The following MYO15A variants were observed in gnomAD, a reference collection of about 807,000 sequenced individuals.
MYO15A encodes unconventional myosin-XV.
A neutral mutation model predicts 394.6 loss-of-function variants in MYO15A; 308 were observed. That is an observed-to-expected ratio of 0.78 (90% CI 0.71 to 0.86). The LOEUF is 0.86. MYO15A is among the 40% of genes least tolerant of loss of function. The probability of loss-of-function intolerance (pLI) is 0.00; values close to 1 mark genes in which losing one functional copy is unlikely to be tolerated. For missense variants in MYO15A, 4,606 were observed against 4,799.1 expected, an observed-to-expected ratio of 0.96 and a Z score of 1.19; for synonymous variants, 1,957 against 2,003.8, an observed-to-expected ratio of 0.98 and a Z score of 0.62.
At chr17:18,114,744 G>A (rs2045764066) in intron 1 of MYO15A, among the ~76,000 whole-genome samples, 1 of 152,232 alleles carries the variant, frequency 6.6e-6, no homozygotes, top group East Asian at 1.9e-4. Context: ...CCGCCCTCCT[G>A]TGCAGCCCCC....
Position 18,159,289 on chromosome 17 carries a change from A to AT in MYO15A, c.9172dup (p.Ser3058PhefsTer35). 1 of 1,614,042 alleles carries AT rather than the reference A, an allele frequency of 6.2e-7. No individual in the cohort carries two copies. Among genetic ancestry groups the AT allele is most frequent in the South Asian group, 1.1e-5 (1 of 91,078 alleles). On this transcript the variant is annotated frameshift_variant, in exon 54 of 66. Coordinates refer to ENST00000647165, the MANE Select transcript of MYO15A (RefSeq NM_016239.4). LOFTEE classifies it high-confidence loss of function. ...TTCCCCCACAGACTCCCCTCCAGGA[A>AT]TCCCTCATCGAACTCAGCGACAGCA...
At chr17:18,171,616 T>C in intron 62 of MYO15A, 22 bp from the exon 63 acceptor site, 1 of 1,613,812 alleles carries the variant, frequency 6.2e-7, no homozygotes, top group Non-Finnish European at 8.5e-7. Context: ...TCAGGACCTT[T>C]TTCCCCTTCC....
chr17:18,163,248 G>A lies in MYO15A; in HGVS notation c.9617G>A (p.Gly3206Asp). The change falls in exon 59 of 66, where the codon GGC becomes GAC. Residue 3206 changes from glycine (G) to aspartate (D), a missense_variant. Transcript: ENST00000647165. ...TCTCCCACCTATCTACCCCAGGCAG[G>A]CCGCAGTTCCAAGAGGCAACTCTTT... ...SSIELRAMLA[G>D]RSSKRQLFLL... The A allele has an allele frequency of 6.2e-7, 1 of 1,614,166 alleles. No individual in the cohort carries two copies. The highest frequency in any genetic ancestry group is 1.1e-5 in the South Asian group (1 of 91,086).
chr17:18,167,548 G>C, intron 61 of MYO15A, 42 bp from the exon 62 acceptor site: 2 of 1,599,450 alleles, frequency 1.3e-6, no homozygotes, highest in Non-Finnish European at 8.5e-7. Context: ...GTGCCTGCAC[G>C]CGTGCCTGCC....
intron 7 of MYO15A, among the ~76,000 whole-genome samples, chr17:18,130,239 T>A (rs1248869388): frequency 6.6e-6 from 1 of 152,052 alleles, no homozygotes; most frequent in Non-Finnish European, 1.5e-5. Flanking sequence ...AAGCACCAGG[T>A]CTGTGTAGAC....
At chr17:18,163,134 C>T in intron 58 of MYO15A, 110 bp from the exon 59 acceptor site, 2 of 1,179,330 alleles carry the variant, frequency 1.7e-6, no homozygotes, top group South Asian at 1.2e-5. Flanking sequence ...AGTGTTCCTA[C>T]ACGTGCCAGC....
In MYO15A at chr17:18,145,943, G is replaced by A; in HGVS notation, c.6345G>A (p.Gln2115=). ...RENIFGNYIV[Q]KGLAVPELRD... The stretch of plus-strand genomic sequence containing the variant: ...ACATCTTCGGGAACTACATCGTGCA[G>A]AAGGGGCTGGCGGTGCCTGAGCTGC... The change falls in exon 30 of 66, where the codon CAG becomes CAA. Residue 2115 remains glutamine (Q), a synonymous_variant. Transcript: ENST00000647165. 1 of 1,613,846 alleles carries A rather than the reference G, an allele frequency of 6.2e-7. No individual in the cohort carries two copies. The highest frequency in any genetic ancestry group is 8.5e-7 in the Non-Finnish European group (1 of 1,180,024).
intron 64 of MYO15A, among the ~76,000 whole-genome samples, chr17:18,172,987 A>T (rs1247445707): frequency 1.3e-5 from 2 of 152,174 alleles, no homozygotes; most frequent in Non-Finnish European, 2.9e-5. Context: ...CAGGGATTCC[A>T]GGGCAAGTGG....
Position 18,139,570 on chromosome 17 carries a change from C to A in MYO15A, c.5170C>A (p.Arg1724Ser). ...CCTGGACAAGAACCACGACCAAGTG[C>A]GCCAGGATGTGCTGGACCTGTTCGT... ...KFLDKNHDQV[R>S]QDVLDLFVRS... Residue 1724 changes from arginine to serine, a missense_variant, in exon 19 of 66, where the codon CGC becomes AGC. By Grantham distance (110) the Arg-to-Ser change is moderately radical (BLOSUM62 -1). This residue lies in a region of MYO15A where 2,776 missense variants were observed against 3,109.3 expected (regional missense o/e 0.89). Coordinates refer to ENST00000647165, the MANE Select transcript of MYO15A (RefSeq NM_016239.4). The A allele has an allele frequency of 1.2e-6, 2 of 1,614,078 alleles. No homozygotes were observed. The highest frequency in any genetic ancestry group is 1.1e-5 in the South Asian group (1 of 91,064).
intron 4 of MYO15A, 46 bp downstream of exon 4, chr17:18,125,277 A>C (rs774917159): frequency 1.3e-5 from 21 of 1,585,820 alleles, no homozygotes; most frequent in Admixed American, 3.3e-5. Flanking sequence ...TCAGGAAGGC[A>C]GCTGCCTCCT....
intron 18 of MYO15A, chr17:18,139,282 G>GC: frequency 4.9e-6 from 3 of 610,796 alleles, no homozygotes; most frequent in Non-Finnish European, 9.0e-6. Context: ...AGGATTCCAT[G>GC]CCTCTGTCCC....
At chr17:18,175,562 A>G (rs1205030881) in intron 65 of MYO15A, among the ~76,000 whole-genome samples, 1 of 152,044 alleles carries the variant, frequency 6.6e-6, no homozygotes, top group East Asian at 1.9e-4. Flanking sequence ...AAGTGTAGGG[A>G]GGGGCGTACA....
chr17:18,155,118 C>T lies in MYO15A; in HGVS notation c.8233C>T (p.Gln2745Ter). The change falls in exon 46 of 66, where the codon CAG becomes TAG. Residue 2745 changes from glutamine to a stop codon, truncating the protein, a stop_gained. Coordinates refer to ENST00000647165, the MANE Select transcript of MYO15A (RefSeq NM_016239.4). LOFTEE classifies it high-confidence loss of function. ...LRMKALFAQN[Q>*]LDTQKPLVTE... ...GACCTGGCCTCCCATAGCCCAGAAC[C>T]AGCTGGACACACAGAAGCCTCTGGT... 1 of 1,613,432 alleles carries T rather than the reference C, an allele frequency of 6.2e-7. No homozygotes were observed. Among genetic ancestry groups the T allele is most frequent in the East Asian group, 2.2e-5 (1 of 44,840 alleles).
chr17:18,153,951 T>C lies in MYO15A; in HGVS notation c.8088+55T>C. ...GGCTGAAGCGGGGCAGGGGAGGGGC[T>C]GAAGCGAGCAGAGGAGGGTCTAGGA... On this transcript the variant is annotated intron_variant, in intron 43 of 65. Transcript: ENST00000647165. This position sits in a 1 kb window ranked among gnomAD's most constrained non-coding sequence, Gnocchi z 4.1. 6.2e-7 allele frequency: 1 copy of C among 1,609,260 alleles called. No individual in the cohort carries two copies. Among genetic ancestry groups the C allele is most frequent in the Non-Finnish European group, 8.5e-7 (1 of 1,177,354 alleles).
chr17:18,157,003 C>G lies in MYO15A; in HGVS notation c.8651C>G (p.Ala2884Gly). Residue 2884 changes from alanine (A) to glycine (G), a missense_variant, in exon 49 of 66, where the codon GCG becomes GGG. Physicochemically the swap from Ala to Gly is moderately conservative, Grantham distance 60. Coordinates refer to ENST00000647165, the MANE Select transcript of MYO15A (RefSeq NM_016239.4). ...AVRNFLPEDP[A>G]LLAFHKGDII... ...AGGAACTTCCTGCCTGAGGACCCTG[C>G]GCTGCTGGCTTTCCACAAGGGTGAC... 2 of 1,614,170 alleles carry G rather than the reference C, an allele frequency of 1.2e-6. No homozygotes were observed. Among genetic ancestry groups the G allele is most frequent in the Non-Finnish European group, 1.7e-6 (2 of 1,180,026 alleles).
At chr17:18,173,303 C>G (rs1174449246) in intron 64 of MYO15A, among the ~76,000 whole-genome samples, 3 of 152,152 alleles carry the variant, frequency 2.0e-5, no homozygotes, top group Admixed American at 2.0e-4. Context: ...AAACAAGCCC[C>G]TAGACAGGCT....
intron 51 of MYO15A, chr17:18,158,262 T>G: frequency 1.7e-6 from 1 of 592,134 alleles, no homozygotes; most frequent in East Asian, 2.8e-5. Context: ...CGGGGTCAGC[T>G]GTGACGTGGC....
chr17:18,157,961 G>T, intron 51 of MYO15A, 61 bp downstream of exon 51: 1 of 1,443,208 alleles, frequency 6.9e-7, no homozygotes, highest in Non-Finnish European at 9.1e-7. Flanking sequence ...CGCTGCAGAA[G>T]GGGTGAGGCG....
rs946225961 is a variant in MYO15A at position 18,120,572 on chromosome 17, G to A, written c.1772G>A (p.Gly591Asp). ...AAGAAGCCCATCGCGCGGCTCAGGG[G>A]CAGCCAGAAGGCCCGGGCGGGCGGC... is the stretch of plus-strand genomic sequence containing the variant. The part of the protein sequence containing the change: ...SEKKPIARLR[G>D]SQKARAGGPA... Residue 591 changes from glycine (G) to aspartate (D), a missense_variant, in exon 2 of 66, where the codon GGC becomes GAC. Gly to Asp is a moderately conservative substitution (Grantham distance 94, BLOSUM62 -1). This residue lies in a region of MYO15A where 1,830 missense variants were observed against 1,689.7 expected (regional missense o/e 1.08). Coordinates refer to ENST00000647165, the MANE Select transcript of MYO15A (RefSeq NM_016239.4). The A allele has an allele frequency of 3.8e-6, 6 of 1,599,702 alleles. No homozygotes were observed. Among genetic ancestry groups the A allele is most frequent in the Non-Finnish European group, 4.3e-6 (5 of 1,175,262 alleles).
Sources: gnomAD v4.1 joint callset for allele counts (sites outside exome capture counted in the v4.1 genomes callset) on GRCh38, gnomAD v4.1.1 for gene constraint, gnomAD v4.1.1 regional missense constraint, Gnocchi (gnomAD v3.1) non-coding constraint, MANE v1.5 for transcripts, NCBI Gene and HGNC (gene_info 2026-07-23, HGNC 2026-07-21) for gene names.